NAALADL2: variants seen among roughly 807,000 people sequenced by gnomAD.
NAALADL2 encodes inactive N-acetylated-alpha-linked acidic dipeptidase-like protein 2.
In NAALADL2, 76 loss-of-function variants were observed where a neutral mutation model predicts 87.2. That is an observed-to-expected ratio of 0.87 (90% CI 0.72 to 1.05). NAALADL2 has a LOEUF of 1.05. NAALADL2 is among the 50% of genes least tolerant of loss of function. NAALADL2 has a pLI of 0.00. For missense variants in NAALADL2, 1,089 were observed against 945.8 expected (o/e 1.15, Z -1.99); for synonymous variants, 354 against 331.0 (o/e 1.07, Z -0.75).
chr3:174,823,601 T>C (rs536724063), intron 3 of NAALADL2, among the ~76,000 whole-genome samples: 106 of 152,364 alleles, frequency 7.0e-4, no homozygotes, highest in African/African-American at 2.5e-3. Context: ...GTATGCTCTT[T>C]AGTGGTACAA....
At chr3:174,785,088 G>T (rs533260570) in intron 3 of NAALADL2, among the ~76,000 whole-genome samples, 1 of 152,052 alleles carries the variant, frequency 6.6e-6, no homozygotes, top group South Asian at 2.1e-4. Context: ...GGTATATTGC[G>T]TGATGCTGAG....
intron 1 of NAALADL2, among the ~76,000 whole-genome samples, chr3:174,516,093 G>T (rs1238333322): frequency 1.3e-5 from 2 of 151,990 alleles, no homozygotes; most frequent in African/African-American, 2.4e-5. Flanking sequence ...ACAAAAACTT[G>T]TTTATATTTC....
chr3:175,091,595 A>C (rs2108323754), intron 1 of NAALADL2, among the ~76,000 whole-genome samples: 1 of 152,178 alleles, frequency 6.6e-6, no homozygotes, highest in East Asian at 1.9e-4. Context: ...TATTATCAGT[A>C]ACATTACAGT....
intron 9 of NAALADL2, among the ~76,000 whole-genome samples, chr3:175,563,830 G>A (rs1347593820): frequency 6.6e-6 from 1 of 152,112 alleles, no homozygotes; most frequent in South Asian, 2.1e-4. Flanking sequence ...ATTAGCATTG[G>A]GGTGTGAGCT....
chr3:175,540,920 G>A (rs140306885), intron 9 of NAALADL2, among the ~76,000 whole-genome samples: 242 of 152,274 alleles, frequency 1.6e-3, no homozygotes, highest in African/African-American at 5.6e-3. Flanking sequence ...TTATTACAAT[G>A]CAGTAGGTCA....
intron 1 of NAALADL2, among the ~76,000 whole-genome samples, chr3:174,496,777 C>G (rs1351079911): frequency 6.6e-6 from 1 of 152,048 alleles, no homozygotes; most frequent in Non-Finnish European, 1.5e-5. Flanking sequence ...AGTTACAAAA[C>G]TATTTATTTA....
chr3:174,511,388 T>G (rs762522288), intron 1 of NAALADL2, among the ~76,000 whole-genome samples: 1 of 152,104 alleles, frequency 6.6e-6, no homozygotes, highest in Non-Finnish European at 1.5e-5. Context: ...CCTGATGAAT[T>G]GACCCCTTTA....
At chr3:174,445,519 G>A (rs932190223) in intron 1 of NAALADL2, among the ~76,000 whole-genome samples, 1 of 152,060 alleles carries the variant, frequency 6.6e-6, no homozygotes, top group African/African-American at 2.4e-5. Context: ...TATTTTGATT[G>A]TATAGTTTTT....
At chr3:174,943,211 T>G (rs1184728301) in intron 1 of NAALADL2, among the ~76,000 whole-genome samples, 4 of 152,162 alleles carry the variant, frequency 2.6e-5, no homozygotes, top group African/African-American at 9.7e-5. Flanking sequence ...AGTAGACTTA[T>G]TTGTTTGGTG....
intron 2 of NAALADL2, among the ~76,000 whole-genome samples, chr3:175,173,317 T>C (rs199594414): frequency 2.6e-5 from 3 of 114,442 alleles, no homozygotes; most frequent in Admixed American, 2.4e-4. Context: ...ATAAAATAAA[T>C]AAATAAATAA....
At chr3:175,230,839 A>T (rs1461252) in intron 2 of NAALADL2, among the ~76,000 whole-genome samples, 150,476 of 152,186 alleles carry the variant, frequency 0.99, 74,389 homozygotes, top group Middle Eastern at 1. Context: ...GTAATCAAAA[A>T]TCTTTTAAAG....
At chr3:175,448,745 G>C (rs1013231791) in intron 6 of NAALADL2, among the ~76,000 whole-genome samples, 1 of 152,128 alleles carries the variant, frequency 6.6e-6, no homozygotes, top group African/African-American at 2.4e-5. Context: ...GTCTTGCTCT[G>C]TCATCAGGGC....
intron 2 of NAALADL2, among the ~76,000 whole-genome samples, chr3:174,577,164 A>G (rs1358607514): frequency 2.0e-5 from 3 of 152,138 alleles, no homozygotes; most frequent in African/African-American, 7.2e-5. Context: ...CTACATATAT[A>G]ACACATTTGA....
intron 11 of NAALADL2, among the ~76,000 whole-genome samples, chr3:175,630,574 A>G (rs561315743): frequency 6.6e-6 from 1 of 151,932 alleles, no homozygotes; most frequent in East Asian, 1.9e-4. Context: ...TAATACAGAT[A>G]TAAAAACATA....
intron 3 of NAALADL2, among the ~76,000 whole-genome samples, chr3:174,854,278 A>T (rs534129064): frequency 6.6e-6 from 1 of 152,334 alleles, no homozygotes; most frequent in Non-Finnish European, 1.5e-5. Context: ...TAAGCCAGGC[A>T]CAGAAAGATA....
intron 2 of NAALADL2, among the ~76,000 whole-genome samples, chr3:175,102,012 G>A (rs9822436): frequency 0.13 from 20,126 of 152,010 alleles, 1,572 homozygotes; most frequent in African/African-American, 0.21. Context: ...TCAGAAAATT[G>A]TATTAGGCCA....
At chr3:175,231,962 G>A (rs1275515655) in intron 2 of NAALADL2, among the ~76,000 whole-genome samples, 1 of 152,034 alleles carries the variant, frequency 6.6e-6, no homozygotes, top group Non-Finnish European at 1.5e-5. Context: ...GTAGAGAACA[G>A]ATAAAGTAAC....
Position 174,921,529 on chromosome 3 carries a change from C to T in NAALADL2, c.43+62079C>T, listed in dbSNP as rs535030843. On this transcript the variant is annotated intron_variant, in intron 1 of 13. Coordinates refer to ENST00000454872, the MANE Select transcript of NAALADL2 (RefSeq NM_207015.3). ...GAAAATAACTTCTAAGGGCCTGGCG[C>T]GGTGGCTCACACCTGTAATCCCAGC... is the stretch of plus-strand genomic sequence containing the variant. 7.2e-5 allele frequency among the ~76,000 whole-genome samples: 11 copies of T among 152,036 alleles called. No homozygotes were observed. In the South Asian group the frequency reaches 1.9e-3, roughly 26 times the overall value.
chr3:174,710,751 A>G (rs1257236193), intron 2 of NAALADL2, among the ~76,000 whole-genome samples: 1 of 152,156 alleles, frequency 6.6e-6, no homozygotes, highest in Non-Finnish European at 1.5e-5. Flanking sequence ...CCTCTTTCCT[A>G]CAACCACAAG....
Sources: allele counts gnomAD v4.1 joint callset (sites outside exome capture counted in the v4.1 genomes callset), GRCh38; gene constraint gnomAD v4.1.1; transcripts MANE v1.5; gene names NCBI Gene and HGNC (gene_info 2026-07-23, HGNC 2026-07-21).